GUCY2C: variants seen among roughly 807,000 people sequenced by gnomAD.
GUCY2C encodes the protein guanylyl cyclase C.
Under a neutral mutation model 131.1 loss-of-function variants are expected in GUCY2C, and 118 were observed. That is an observed-to-expected ratio of 0.90 (90% CI 0.78 to 1.05). GUCY2C has a LOEUF of 1.05. Ranked by LOEUF, GUCY2C falls within the 50% of genes least tolerant of loss-of-function variation. The pLI is 0.00. For missense variants in GUCY2C, 1,161 were observed against 1,304.4 expected, an observed-to-expected ratio of 0.89 and a Z score of 1.69; for synonymous variants, 452 against 457.8, an observed-to-expected ratio of 0.99 and a Z score of 0.16.
At chr12:14,670,718 C>T (rs552007619) in intron 9 of GUCY2C, among the ~76,000 whole-genome samples, 1 of 151,876 alleles carries the variant, frequency 6.6e-6, no homozygotes, top group Non-Finnish European at 1.5e-5. Context: ...CTCTCATTCT[C>T]TCTTGCCTGC....
intron 7 of GUCY2C, 116 bp from the exon 8 acceptor site, chr12:14,674,876 G>A (rs1948195022): frequency 2.7e-6 from 2 of 728,012 alleles, no homozygotes; most frequent in Admixed American, 2.5e-5. Context: ...GGGATATCAG[G>A]GGAATTGAAG....
At chr12:14,621,322 A>C (rs1414444630) in intron 22 of GUCY2C, 106 bp from the exon 23 acceptor site, 8 of 928,956 alleles carry the variant, frequency 8.6e-6, no homozygotes, top group East Asian at 2.4e-5. Context: ...TTGGGAACAC[A>C]GTATGAGCAT....
intron 8 of GUCY2C, chr12:14,674,411 C>T: frequency 1.7e-6 from 1 of 599,116 alleles, no homozygotes; most frequent in Middle Eastern, 2.8e-4. Context: ...TTTTCTGTGA[C>T]ATCCAAAGAT....
intron 3 of GUCY2C, among the ~76,000 whole-genome samples, chr12:14,684,597 C>CTT (rs60603587): frequency 0.075 from 128 of 1,698 alleles, 4 homozygotes; most frequent in African/African-American, 0.2. Context: ...TCCTTCCTTC[C>CTT]TTCCTTCCTT....
At chr12:14,645,881 G>A (rs7309735) in intron 15 of GUCY2C, among the ~76,000 whole-genome samples, 74 of 151,530 alleles carry the variant, frequency 4.9e-4, no homozygotes, top group Middle Eastern at 3.4e-3. Flanking sequence ...TGTTGCCCAG[G>A]CTGGCATGCA....
chr12:14,668,958 T>C (rs1356803888), intron 10 of GUCY2C, among the ~76,000 whole-genome samples: 1 of 152,174 alleles, frequency 6.6e-6, no homozygotes, highest in African/African-American at 2.4e-5. Context: ...CAGGGGAGAC[T>C]GTAAAGGCCA....
chr12:14,653,481 A>G (rs1200839459), intron 12 of GUCY2C, among the ~76,000 whole-genome samples: 1 of 152,226 alleles, frequency 6.6e-6, no homozygotes, highest in Non-Finnish European at 1.5e-5. Flanking sequence ...CGAAGTTGCT[A>G]AATCATCTTA....
chr12:14,614,942 C>T lies in GUCY2C; in HGVS notation c.2972G>A (p.Gly991Glu). 6.4e-7 allele frequency: 1 copy of T among 1,567,264 alleles called. No individual in the cohort carries two copies. The highest frequency in any genetic ancestry group is 1.2e-5 in the South Asian group (1 of 84,926). Reference sequence around the variant, plus strand: ...CCAGTAGGTAGTCTCATTTCCTCTTCCCTGGTAAGACAAAAGAGTTACGTA... The same window carrying T: ...CCAGTAGGTAGTCTCATTTCCTCTTTCCTGGTAAGACAAAAGAGTTACGTA... ...YEVRGETYLK[G>E]RGNETTYWLT... Residue 991 changes from glycine (G) to glutamate (E), a missense_variant and splice_region_variant, in exon 26 of 27, where the codon GGA becomes GAA. Gly to Glu is a moderately conservative substitution (Grantham distance 98). Transcript: ENST00000261170.
chr12:14,654,857 A>T (rs1320253056), intron 12 of GUCY2C, among the ~76,000 whole-genome samples: 1 of 152,110 alleles, frequency 6.6e-6, no homozygotes, highest in Admixed American at 6.6e-5. Context: ...TGTTATATTA[A>T]ATAAGCAGGA....
chr12:14,653,999 A>G (rs958014893), intron 12 of GUCY2C, among the ~76,000 whole-genome samples: 1 of 151,684 alleles, frequency 6.6e-6, no homozygotes, highest in Admixed American at 6.6e-5. Flanking sequence ...CATTTAAACT[A>G]TTTGGACCTC....
At chr12:14,623,975 G>A (rs1946951562) in intron 21 of GUCY2C, among the ~76,000 whole-genome samples, 1 of 152,174 alleles carries the variant, frequency 6.6e-6, no homozygotes, top group South Asian at 2.1e-4. Flanking sequence ...ATAATAGGGT[G>A]AGAATGGACT....
At chr12:14,617,352 C>T (rs1156361516) in intron 24 of GUCY2C, among the ~76,000 whole-genome samples, 1 of 152,118 alleles carries the variant, frequency 6.6e-6, no homozygotes, top group East Asian at 1.9e-4. Flanking sequence ...GTTTTCAGGG[C>T]CCTGCGTGAT....
chr12:14,668,432 G>A (rs1565627664), intron 10 of GUCY2C, among the ~76,000 whole-genome samples: 1 of 152,084 alleles, frequency 6.6e-6, no homozygotes, highest in Non-Finnish European at 1.5e-5. Flanking sequence ...GCCTCCCAAA[G>A]TGCTGGGATT....
chr12:14,687,987 G>A lies in GUCY2C; in HGVS notation c.294C>T (p.Ser98=), dbSNP rs958311095. The change falls in exon 2 of 27, where the codon AGC becomes AGT. Residue 98 remains serine (S), a synonymous_variant. Transcript: ENST00000261170. The part of the protein sequence containing the change: ...LIHNSGDCRS[S]TCEGLDLLRK... ...TGAGTAGGTCGAGGCCTTCACAGGTGCTACTCCGGCAGTCGCCTGAGTTAT... is the reference window on the plus strand; with the variant it reads ...TGAGTAGGTCGAGGCCTTCACAGGTACTACTCCGGCAGTCGCCTGAGTTAT... 5 of 1,613,022 alleles carry A rather than the reference G, an allele frequency of 3.1e-6. No individual in the cohort carries two copies. The highest frequency in any genetic ancestry group is 3.3e-5 in the Admixed American group (2 of 60,006).
intron 25 of GUCY2C, among the ~76,000 whole-genome samples, chr12:14,615,460 T>G (rs61920199): frequency 6.6e-6 from 1 of 151,960 alleles, no homozygotes; most frequent in African/African-American, 2.4e-5. Context: ...GGCTACGGAA[T>G]GTATGGAAAT....
At chr12:14,680,759 C>T (rs1389628608) in intron 5 of GUCY2C, among the ~76,000 whole-genome samples, 1 of 152,112 alleles carries the variant, frequency 6.6e-6, no homozygotes, top group East Asian at 1.9e-4. Flanking sequence ...AATTTTGGTG[C>T]ACCCATCTCC....
At chr12:14,675,539 T>C (rs138226887) in intron 7 of GUCY2C, among the ~76,000 whole-genome samples, 10 of 152,222 alleles carry the variant, frequency 6.6e-5, no homozygotes. Context: ...GTATTCTGAG[T>C]GGAACATGAG....
At chr12:14,634,097 T>C (rs1482600977) in intron 19 of GUCY2C, among the ~76,000 whole-genome samples, 1 of 152,070 alleles carries the variant, frequency 6.6e-6, no homozygotes, top group African/African-American at 2.4e-5. Context: ...TATAGTCAAA[T>C]TGTCAAAAGT....
intron 9 of GUCY2C, among the ~76,000 whole-genome samples, chr12:14,670,322 A>G (rs1216913581): frequency 6.6e-6 from 1 of 152,192 alleles, no homozygotes; most frequent in Admixed American, 6.5e-5. Flanking sequence ...ACATTTCTTA[A>G]CTTCTATCCA....
Sources: gnomAD v4.1 joint callset for allele counts (sites outside exome capture counted in the v4.1 genomes callset) on GRCh38, gnomAD v4.1.1 for gene constraint, MANE v1.5 for transcripts, NCBI Gene and HGNC (gene_info 2026-07-23, HGNC 2026-07-21) for gene names.